ST6GALNAC1: variants seen among roughly 807,000 people sequenced by gnomAD.
The protein encoded by ST6GALNAC1 is ST6 N-acetylgalactosaminide alpha-2,6-sialyltransferase 1.
A neutral mutation model predicts 56.8 loss-of-function variants in ST6GALNAC1; 45 were observed. The ratio of observed to expected loss-of-function variants is 0.79; its 90% CI spans 0.62 to 1.02. The LOEUF is 1.02. Ranked by LOEUF, ST6GALNAC1 falls within the 50% of genes least tolerant of loss-of-function variation. ST6GALNAC1 has a pLI of 0.00. For missense variants in ST6GALNAC1, 743 were observed against 754.8 expected, an observed-to-expected ratio of 0.98 and a Z score of 0.18; for synonymous variants, 295 against 297.8, an observed-to-expected ratio of 0.99 and a Z score of 0.10.
chr17:76,635,799 A>G (rs1363091522), intron 1 of ST6GALNAC1, among the ~76,000 whole-genome samples: 1 of 152,216 alleles, frequency 6.6e-6, no homozygotes, highest in Non-Finnish European at 1.5e-5. Flanking sequence ...TTAAAGATAA[A>G]AAAAGCAATG....
Position 76,627,602 on chromosome 17 carries a change from A to C in ST6GALNAC1, c.832-19T>G, listed in dbSNP as rs756157498. 6.2e-7 allele frequency: 1 copy of C among 1,612,006 alleles called. No individual in the cohort carries two copies. Among genetic ancestry groups the C allele is most frequent in the East Asian group, 2.2e-5 (1 of 44,866 alleles). On this transcript the variant is annotated intron_variant, in intron 2 of 8. Coordinates refer to ENST00000156626, the MANE Select transcript of ST6GALNAC1 (RefSeq NM_018414.5). This position sits in a 1 kb window ranked among gnomAD's most constrained non-coding sequence, Gnocchi z 4.4. Reference sequence around the variant, plus strand: ...GGCAAGTCTATATACAGGAGGACGAAGTCAGGAAGGGAGAGACCCAGAAAG... The same window carrying C: ...GGCAAGTCTATATACAGGAGGACGACGTCAGGAAGGGAGAGACCCAGAAAG...
chr17:76,619,016 C>G, the ST6GALNAC1 span, among the ~76,000 whole-genome samples: 1 of 152,128 alleles, frequency 6.6e-6, no homozygotes, highest in African/African-American at 2.4e-5. Context: ...CCTAGATTAC[C>G]ATTTGTTGAA....
intron 2 of ST6GALNAC1, among the ~76,000 whole-genome samples, chr17:76,628,209 T>A (rs1372251488): frequency 2.6e-5 from 4 of 151,178 alleles, no homozygotes; most frequent in Non-Finnish European, 5.9e-5. Context: ...TCCAGTCATA[T>A]GTGTGTAAAT....
At chr17:76,630,310 G>A (rs573685273) in intron 1 of ST6GALNAC1, among the ~76,000 whole-genome samples, 1 of 152,266 alleles carries the variant, frequency 6.6e-6, no homozygotes, top group African/African-American at 2.4e-5. Context: ...CTGGAGAAAG[G>A]CAGGGCCGGC....
At position 76,634,377 on chromosome 17, in the gene ST6GALNAC1, C is replaced by T. The variant is rs1337628365; in HGVS notation, c.132-4666G>A. ...ACTAACACTTCGCTCTGCCCTGTGT[C>T]CCTCTCCACTCCCTGCTGTGGAGCT... is the stretch of plus-strand genomic sequence containing the variant. On this transcript the variant is annotated intron_variant, in intron 1 of 8. Transcript: ENST00000156626. Among the ~76,000 whole-genome samples, 7 of 152,148 alleles carry T rather than the reference C, an allele frequency of 4.6e-5. No homozygotes were observed. The East Asian group carries it at 1.3e-3, about 29-fold the overall frequency.
chr17:76,631,484 A>G (rs1373091213), intron 1 of ST6GALNAC1, among the ~76,000 whole-genome samples: 2 of 152,186 alleles, frequency 1.3e-5, no homozygotes, highest in East Asian at 1.9e-4. Context: ...ATAAGAATAG[A>G]AAGTGTTTCA....
Position 76,627,590 on chromosome 17 carries a change from ACAGGAG to A in ST6GALNAC1, c.832-13_832-8del, listed in dbSNP as rs759459274. ...TCACAGAGTCAGGGCAAGTCTATAT[ACAGGAG>A]GACGAAGTCAGGAAGGGAGAGACCC... On this transcript the variant is annotated splice_region_variant and splice_polypyrimidine_tract_variant and intron_variant, in intron 2 of 8. Transcript: ENST00000156626. The surrounding 1 kb of genome is among the most constrained non-coding windows in gnomAD (Gnocchi z 4.4). The A allele has an allele frequency of 3.1e-6, 5 of 1,613,224 alleles. No homozygotes were observed. In the African/African-American group the frequency reaches 6.7e-5, roughly 22 times the overall value.
chr17:76,641,667 TG>T (rs2076049927), intron 1 of ST6GALNAC1: 1 of 152,210 alleles, frequency 6.6e-6, no homozygotes, highest in South Asian at 2.1e-4. Context: ...AACAATTCAA[TG>T]GTGTCCACTG....
chr17:76,643,713 C>A lies in ST6GALNAC1; in HGVS notation c.-75G>T. The A allele has an allele frequency of 1.3e-6, 2 of 1,500,154 alleles. No individual in the cohort carries two copies. The highest frequency in any genetic ancestry group is 1.8e-6 in the Non-Finnish European group (2 of 1,092,100). The allele number at this position is 1,500,154 out of a possible 1,614,324, so 92.9% of individuals were successfully genotyped here. ...ATGTAGGCAGCTGGGAGTCTCACCG[C>A]TCAGGTTTCCTGGCCAGGAAGTGCA... On this transcript the variant is annotated 5_prime_UTR_variant, in exon 1 of 9. Transcript: ENST00000156626.
At chr17:76,624,159 C>A (rs1029845944), downstream of ST6GALNAC1, among the ~76,000 whole-genome samples, 1 of 152,236 alleles carries the variant, frequency 6.6e-6, no homozygotes, top group Non-Finnish European at 1.5e-5. Flanking sequence ...ACCATGAAAT[C>A]TAAAGCGAAG....
At chr17:76,620,874 C>T (rs1162249564), downstream of ST6GALNAC1, among the ~76,000 whole-genome samples, 1 of 152,176 alleles carries the variant, frequency 6.6e-6, no homozygotes, top group Admixed American at 6.6e-5. Context: ...GGATTACAGG[C>T]ATGAGCCACC....
intron 1 of ST6GALNAC1, among the ~76,000 whole-genome samples, chr17:76,631,898 CT>C (rs1416438734): frequency 6.6e-6 from 1 of 152,170 alleles, no homozygotes; most frequent in Non-Finnish European, 1.5e-5. Context: ...AATATCCATT[CT>C]GAAAGAATGC....
At position 76,629,064 on chromosome 17, in the gene ST6GALNAC1, G is replaced by A; in HGVS notation, c.779C>T (p.Pro260Leu). ...GTATTTTTCCTCAAAATCCCACCGA[G>A]GCTCAGATTTGAAGTTGGCGGCCTT... ...RLKAANFKSE[P>L]RWDFEEKYSF... The change falls in exon 2 of 9, where the codon CCT becomes CTT. Residue 260 changes from proline (P) to leucine (L), a missense_variant. By Grantham distance (98) the Pro-to-Leu change is moderately conservative (BLOSUM62 -3). Transcript: ENST00000156626. The A allele has an allele frequency of 1.3e-6, 2 of 1,563,006 alleles. No individual in the cohort carries two copies. Among genetic ancestry groups the A allele is most frequent in the South Asian group, 2.4e-5 (2 of 84,584 alleles).
chr17:76,628,271 CTTCCTTCCTTCCTTCCTTCCGTCT>C (rs2075839946), intron 2 of ST6GALNAC1, among the ~76,000 whole-genome samples: 1 of 141,664 alleles, frequency 7.1e-6, no homozygotes. Flanking sequence ...TCCCTCCCTC[CTTCCTTCCTTCCTTCCTTCCGTCT>C]TTCCTTCCTT....
At chr17:76,632,047 G>T (rs968122990) in intron 1 of ST6GALNAC1, among the ~76,000 whole-genome samples, 48 of 152,080 alleles carry the variant, frequency 3.2e-4, no homozygotes. Context: ...TGACTACTCA[G>T]TGTAACCTCT....
At chr17:76,641,188 C>T (rs2143494306) in intron 1 of ST6GALNAC1, among the ~76,000 whole-genome samples, 1 of 152,260 alleles carries the variant, frequency 6.6e-6, no homozygotes, top group Non-Finnish European at 1.5e-5. Context: ...TAATATGCTT[C>T]CCCCTGCACA....
At chr17:76,636,826 A>G (rs2075981025) in intron 1 of ST6GALNAC1, among the ~76,000 whole-genome samples, 1 of 152,152 alleles carries the variant, frequency 6.6e-6, no homozygotes, top group Admixed American at 6.5e-5. Context: ...TGTCGAATAG[A>G]AAAGGGGGAA....
At chr17:76,618,008 C>T in the ST6GALNAC1 span, among the ~76,000 whole-genome samples, 1 of 152,200 alleles carries the variant, frequency 6.6e-6, no homozygotes, top group Non-Finnish European at 1.5e-5. Flanking sequence ...TTCCATCTTC[C>T]AGGCAAGAGT....
intron 1 of ST6GALNAC1, among the ~76,000 whole-genome samples, chr17:76,639,473 G>T (rs552083242): frequency 2.0e-5 from 3 of 152,240 alleles, no homozygotes; most frequent in African/African-American, 7.2e-5. Flanking sequence ...CTACTCTGGA[G>T]GCTGAGGCAG....
Sources: gnomAD v4.1 joint callset for allele counts (sites outside exome capture counted in the v4.1 genomes callset) on GRCh38, gnomAD v4.1.1 for gene constraint, Gnocchi (gnomAD v3.1) non-coding constraint, MANE v1.5 for transcripts, NCBI Gene and HGNC (gene_info 2026-07-23, HGNC 2026-07-21) for gene names.